Variants in ZNF503 observed in about 807,000 individuals in gnomAD.
The protein encoded by ZNF503 is NocA-like zinc finger 2.
Under a neutral mutation model 34.4 loss-of-function variants are expected in ZNF503, and 15 were observed. That is an observed-to-expected ratio of 0.44 (90% CI 0.29 to 0.67). The LOEUF (loss-of-function observed/expected upper bound fraction) is 0.67, where lower values mean the gene tolerates loss of function less well. Ranked by LOEUF, ZNF503 falls within the 30% of genes least tolerant of loss-of-function variation. ZNF503 has a pLI of 0.13. For missense variants in ZNF503, 1,007 were observed against 926.8 expected (o/e 1.09, Z -1.12); for synonymous variants, 580 against 456.8 (o/e 1.27, Z -3.44).
chr10:75,333,054 G>A, the ZNF503 span, among the ~76,000 whole-genome samples: 1 of 146,038 alleles, frequency 6.8e-6, no homozygotes, highest in Non-Finnish European at 1.5e-5. Flanking sequence ...AGGGGCGGCC[G>A]GGCAGAGGCG....
chr10:75,340,253 C>G, the ZNF503 span, among the ~76,000 whole-genome samples: 6 of 152,032 alleles, frequency 3.9e-5, no homozygotes, highest in Non-Finnish European at 7.4e-5. Context: ...CTCAAAATAA[C>G]AACAATAATA....
At chr10:75,306,899 C>T in the ZNF503 span, among the ~76,000 whole-genome samples, 1 of 152,142 alleles carries the variant, frequency 6.6e-6, no homozygotes, top group Non-Finnish European at 1.5e-5. Context: ...ATTCTGACTG[C>T]CCCACCAACT....
the ZNF503 span, among the ~76,000 whole-genome samples, chr10:75,289,135 G>A: frequency 6.6e-6 from 1 of 152,218 alleles, no homozygotes; most frequent in Admixed American, 6.5e-5. Flanking sequence ...GGGGGCCAGA[G>A]CAGATTTCCA....
In ZNF503 at chr10:75,398,759, C is replaced by T; in HGVS notation, c.1931G>A (p.Gly644Glu). 1 of 1,409,080 alleles carries T rather than the reference C, an allele frequency of 7.1e-7. No individual in the cohort carries two copies. The highest frequency in any genetic ancestry group is 9.2e-7 in the Non-Finnish European group (1 of 1,085,946). The allele number at this position is 1,409,080 out of a possible 1,614,324, so 87.3% of individuals were successfully genotyped here. Residue 644 changes from glycine (G) to glutamate (E), a missense_variant, in exon 2 of 2, where the codon GGG (glycine) becomes GAG (glutamate). Physicochemically the swap from Gly to Glu is moderately conservative, Grantham distance 98 (BLOSUM62 -2). Transcript: ENST00000372524. Reference protein sequence around the residue: ...GQRLTTASALGYQ With the variant: ...GQRLTTASALEYQ ...CCCTCCCGGCCGCCCTCACTGATAC[C>T]CCAGCGCCGAGGCGGTGGTCAGTCT...
chr10:75,387,643 C>T, the ZNF503 span, among the ~76,000 whole-genome samples: 1 of 152,184 alleles, frequency 6.6e-6, no homozygotes, highest in East Asian at 1.9e-4. Context: ...GGAGGTTTCT[C>T]TGTGGACATG....
Position 75,401,476 on chromosome 10 carries a change from G to C in ZNF503, c.-57C>G. ...GGAGGGCTCCGGGAGGCGCGGGGCG[G>C]GCTCGGGGCTGCGCGCTCGCCCCGG... On this transcript the variant is annotated 5_prime_UTR_variant, in exon 1 of 2. Coordinates refer to ENST00000372524, the MANE Select transcript of ZNF503 (RefSeq NM_032772.6). 6.7e-7 allele frequency: 1 copy of C among 1,486,702 alleles called. No homozygotes were observed. The highest frequency in any genetic ancestry group is 1.3e-5 in the South Asian group (1 of 78,906). The allele number at this position is 1,486,702 out of a possible 1,614,324, so 92.1% of individuals were successfully genotyped here. A position where few individuals can be genotyped will look rare whatever the true frequency, so the allele number is the denominator to read the frequency against.
chr10:75,390,664 G>T, the ZNF503 span, among the ~76,000 whole-genome samples: 1 of 152,158 alleles, frequency 6.6e-6, no homozygotes, highest in Non-Finnish European at 1.5e-5. Flanking sequence ...ACCAAAGGTC[G>T]GCAACAAGAG....
At chr10:75,343,218 TCACAGC>T in the ZNF503 span, 1 of 152,262 alleles carries the variant, frequency 6.6e-6, no homozygotes, top group Non-Finnish European at 1.5e-5. Flanking sequence ...TTTGTCTGTA[TCACAGC>T]CTTATCTTGT....
chr10:75,401,339 ACCGCCGCCTCCGCCT>A lies in ZNF503; in HGVS notation c.66_80del (p.Gly23_Gly27del), dbSNP rs1554886724. ...GCGCGCTGGTCCAGGCAGGGTCTGC[ACCGCCGCCTCCGCCT>A]CCGCCGCCGCCGCCGCCGCTGTGCT... is the stretch of plus-strand genomic sequence containing the variant. On this transcript the variant is annotated inframe_deletion, in exon 1 of 2. Coordinates refer to ENST00000372524, the MANE Select transcript of ZNF503 (RefSeq NM_032772.6). 42 of 1,431,314 alleles carry A rather than the reference ACCGCCGCCTCCGCCT, an allele frequency of 2.9e-5. No homozygotes were observed. Among genetic ancestry groups the A allele is most frequent in the Non-Finnish European group, 3.9e-5 (41 of 1,050,472 alleles). The allele number at this position is 1,431,314 out of a possible 1,614,324, so 88.7% of individuals were successfully genotyped here.
At chr10:75,345,144 G>T in the ZNF503 span, among the ~76,000 whole-genome samples, 6 of 152,176 alleles carry the variant, frequency 3.9e-5, no homozygotes, top group Non-Finnish European at 2.9e-5. Flanking sequence ...CTGGGAAAGG[G>T]ATGTGACAAG....
the ZNF503 span, among the ~76,000 whole-genome samples, chr10:75,323,264 G>A: frequency 6.6e-6 from 1 of 152,236 alleles, no homozygotes; most frequent in South Asian, 2.1e-4. Flanking sequence ...TTATCCATTT[G>A]CCAGCTGAAA....
the ZNF503 span, among the ~76,000 whole-genome samples, chr10:75,344,650 A>G: frequency 6.6e-6 from 1 of 152,224 alleles, no homozygotes; most frequent in Non-Finnish European, 1.5e-5. Flanking sequence ...GCCAGTAACC[A>G]TTCTACCTCT....
chr10:75,343,465 A>G, the ZNF503 span: 2 of 152,246 alleles, frequency 1.3e-5, no homozygotes, highest in Non-Finnish European at 2.9e-5. Context: ...CCCACACCTA[A>G]GCCCGTATTT....
At chr10:75,316,811 C>T in the ZNF503 span, among the ~76,000 whole-genome samples, 3 of 152,030 alleles carry the variant, frequency 2.0e-5, no homozygotes, top group Admixed American at 2.0e-4. Context: ...TCTTCAACAA[C>T]CAATGGGTCA....
chr10:75,399,285 C>T lies in ZNF503; in HGVS notation c.1405G>A (p.Val469Met). The T allele has an allele frequency of 2.5e-6, 4 of 1,601,502 alleles. No individual in the cohort carries two copies. The highest frequency in any genetic ancestry group is 3.4e-6 in the Non-Finnish European group (4 of 1,175,054). ...AAALKSGYPL[V>M]YPTHPLHGVH... Reference sequence around the variant, plus strand: ...CCGTGCAGCGGGTGCGTGGGGTACACCAGCGGGTATCCGGACTTCAGCGCC... The same window carrying T: ...CCGTGCAGCGGGTGCGTGGGGTACATCAGCGGGTATCCGGACTTCAGCGCC... Residue 469 changes from valine to methionine, a missense_variant, in exon 2 of 2, where the codon GTG (valine) becomes ATG (methionine). Val to Met is a conservative substitution (Grantham distance 21). Transcript: ENST00000372524.
the ZNF503 span, among the ~76,000 whole-genome samples, chr10:75,382,113 A>G: frequency 6.6e-6 from 1 of 152,078 alleles, no homozygotes; most frequent in Admixed American, 6.5e-5. Flanking sequence ...CCCAGCCTAC[A>G]GAACCTAATT....
chr10:75,366,652 A>G, the ZNF503 span, among the ~76,000 whole-genome samples: 1 of 152,180 alleles, frequency 6.6e-6, no homozygotes, highest in Non-Finnish European at 1.5e-5. Context: ...ACAGTGCCCC[A>G]AGGCCTTTGC....
chr10:75,281,542 G>GA, the ZNF503 span, among the ~76,000 whole-genome samples: 1 of 152,292 alleles, frequency 6.6e-6, no homozygotes, highest in East Asian at 1.9e-4. Flanking sequence ...ACGACTGGGG[G>GA]ATGCTCTGTC....
chr10:75,332,264 T>G, the ZNF503 span, among the ~76,000 whole-genome samples: 2 of 152,122 alleles, frequency 1.3e-5, no homozygotes, highest in African/African-American at 4.8e-5. Context: ...CTTCTGAGAC[T>G]TCAATTACAC....
Sources: gnomAD v4.1 joint callset for allele counts (sites outside exome capture counted in the v4.1 genomes callset) on GRCh38, gnomAD v4.1.1 for gene constraint, MANE v1.5 for transcripts, NCBI Gene and HGNC (gene_info 2026-07-23, HGNC 2026-07-21) for gene names.